The following DACT3 variants were observed in gnomAD, a reference collection of about 807,000 sequenced individuals.
The protein encoded by DACT3 is dapper homolog 3.
In DACT3, 5 loss-of-function variants were observed where a neutral mutation model predicts 19.6. The ratio of observed to expected loss-of-function variants is 0.26; its 90% confidence interval spans 0.13 to 0.54. The LOEUF (loss-of-function observed/expected upper bound fraction) is 0.54. DACT3 is among the 20% of genes least tolerant of loss of function. DACT3 has a pLI of 0.95. For synonymous variants in DACT3, 454 were observed against 428.1 expected (o/e 1.06, Z -0.75); for missense variants, 908 against 927.4 (o/e 0.98, Z 0.27).
rs2053063773 is a variant in DACT3 at position 46,660,093 on chromosome 19, C to T, written c.249+723G>A. On this transcript the variant is annotated intron_variant, in intron 1 of 3. Transcript: ENST00000391916. The surrounding 1 kb of genome is among the most constrained non-coding windows in gnomAD (Gnocchi z 4.9). ...CATTCCGGAGACCTCTGCCCATCTT[C>T]CACCATGAGAACACCCAGAGTCCAG... Among the ~76,000 whole-genome samples, 1 of 152,282 alleles carries T rather than the reference C, an allele frequency of 6.6e-6. No individual in the cohort carries two copies. The highest frequency in any genetic ancestry group is 2.1e-4 in the South Asian group (1 of 4,832).
At position 46,649,417 on chromosome 19, in the gene DACT3, C is replaced by A; in HGVS notation, c.955G>T (p.Ala319Ser). The A allele has an allele frequency of 1.6e-6, 2 of 1,280,176 alleles. No individual in the cohort carries two copies. The highest frequency in any genetic ancestry group is 2.0e-6 in the Non-Finnish European group (2 of 1,003,362). The allele number at this position is 1,280,176 out of a possible 1,614,324, so 79.3% of individuals were successfully genotyped here. A position where few individuals can be genotyped will look rare whatever the true frequency, so the allele number is the denominator to read the frequency against. The change falls in exon 4 of 4, where the codon GCC becomes TCC. Residue 319 changes from alanine to serine, a missense_variant. By Grantham distance (99) the Ala-to-Ser change is moderately conservative. This residue lies in a region of DACT3 where 656 missense variants were observed against 601.8 expected (regional missense o/e 1.09). Coordinates refer to ENST00000391916, the MANE Select transcript of DACT3 (RefSeq NM_145056.3). Reference protein sequence around the residue: ...RVGGHPTSPAALSRAWASSWE... With the variant: ...RVGGHPTSPASLSRAWASSWE... ...GACGACGCCCAGGCGCGGCTCAAGG[C>A]GGCAGGGCTGGTGGGGTGGCCCCCG...
At position 46,649,476 on chromosome 19, in the gene DACT3, G is replaced by T; in HGVS notation, c.896C>A (p.Ala299Glu). ...CAACGAGGGCTCCCGCGCGGGTCGC[G>T]CGCTGCCGGGGGACGGAGACGCGTC... ...PPDASPSPGS[A>E]RPAREPSLER... Residue 299 changes from alanine (A) to glutamate (E), a missense_variant, in exon 4 of 4, where the codon GCG (alanine) becomes GAG (glutamate). Transcript: ENST00000391916. 8.7e-7 allele frequency: 1 copy of T among 1,152,490 alleles called. No individual in the cohort carries two copies. Among genetic ancestry groups the T allele is most frequent in the South Asian group, 3.7e-5 (1 of 27,018 alleles). 71.4% of individuals were successfully genotyped at this position (1,152,490 alleles called of 1,614,324 possible).
At chr19:46,656,637 A>G (rs1238469237) in intron 1 of DACT3, among the ~76,000 whole-genome samples, 1 of 152,222 alleles carries the variant, frequency 6.6e-6, no homozygotes, top group African/African-American at 2.4e-5. Context: ...GGCATGAGCC[A>G]TTGCACCCAG....
rs1377588738 is a variant in DACT3 at position 46,652,817 on chromosome 19, A to C, written c.347-5T>G. 1 of 1,548,058 alleles carries C rather than the reference A, an allele frequency of 6.5e-7. No individual in the cohort carries two copies. Among genetic ancestry groups the C allele is most frequent in the Non-Finnish European group, 8.7e-7 (1 of 1,144,616 alleles). On this transcript the variant is annotated splice_region_variant and splice_polypyrimidine_tract_variant and intron_variant, in intron 2 of 3. Coordinates refer to ENST00000391916, the MANE Select transcript of DACT3 (RefSeq NM_145056.3). ...AGCTGGGATCTTCATAGAAGCCTAAATTTCCAGGAGAAGCAGAGAGACTTC... is the reference window on the plus strand; with the variant it reads ...AGCTGGGATCTTCATAGAAGCCTAACTTTCCAGGAGAAGCAGAGAGACTTC...
rs1156969983 is a variant in DACT3, at chr19:46,649,430, G to A, written c.942C>T (p.Pro314=). 7.9e-7 allele frequency: 1 copy of A among 1,263,290 alleles called. No homozygotes were observed. The highest frequency in any genetic ancestry group is 3.9e-5 in the East Asian group (1 of 25,784). 78.3% of individuals were successfully genotyped at this position (1,263,290 alleles called of 1,614,324 possible). A position where few individuals can be genotyped will look rare whatever the true frequency, so the allele number is the denominator to read the frequency against. Residue 314 remains proline (P), a synonymous_variant, in exon 4 of 4, where the codon CCC becomes CCT. Transcript: ENST00000391916. ...EPSLERVGGH[P]TSPAALSRAW... is the part of the protein sequence containing the mutation. Reference sequence around the variant, plus strand: ...CGCGGCTCAAGGCGGCAGGGCTGGTGGGGTGGCCCCCGACGCGCTCCAACG... The same window carrying A: ...CGCGGCTCAAGGCGGCAGGGCTGGTAGGGTGGCCCCCGACGCGCTCCAACG...
Position 46,648,230 on chromosome 19 carries a change from G to C in DACT3, c.*252C>G. Reference sequence around the variant, plus strand: ...GTACAGATGAGGAAAGTGACGCCCAGAGAAGGGGAACTGTCTTGCCCAAGG... The same window carrying C: ...GTACAGATGAGGAAAGTGACGCCCACAGAAGGGGAACTGTCTTGCCCAAGG... On this transcript the variant is annotated 3_prime_UTR_variant, in exon 4 of 4. Coordinates refer to ENST00000391916, the MANE Select transcript of DACT3 (RefSeq NM_145056.3). The surrounding 1 kb of genome is among the most constrained non-coding windows in gnomAD (Gnocchi z 5.1). 1.7e-6 allele frequency: 1 copy of C among 574,812 alleles called. No homozygotes were observed. The highest frequency in any genetic ancestry group is 2.1e-5 in the South Asian group (1 of 47,968). The allele number at this position is 574,812 out of a possible 1,614,324, so 35.6% of individuals were successfully genotyped here.
At position 46,661,079 on chromosome 19, in the gene DACT3, G is replaced by A. The variant is rs1449373502; in HGVS notation, c.-15C>T. ...GCCCGGATCATGGCTGCGGCCCCCC[G>A]CCCCAGCCCGGCCGGGCCCCGCGGC... On this transcript the variant is annotated 5_prime_UTR_variant, in exon 1 of 4. Coordinates refer to ENST00000391916, the MANE Select transcript of DACT3 (RefSeq NM_145056.3). The A allele has an allele frequency of 2.1e-6, 3 of 1,416,302 alleles. No homozygotes were observed. The highest frequency in any genetic ancestry group is 1.5e-5 in the African/African-American group (1 of 66,082). 87.7% of individuals were successfully genotyped at this position (1,416,302 alleles called of 1,614,324 possible).
chr19:46,649,888 C>CAAA lies in DACT3; in HGVS notation c.500-19_500-17dup, dbSNP rs375074031. 11 of 1,256,710 alleles carry CAAA rather than the reference C, an allele frequency of 8.8e-6. No homozygotes were observed. Among genetic ancestry groups the CAAA allele is most frequent in the South Asian group, 2.0e-5 (1 of 50,198 alleles). The allele number at this position is 1,256,710 out of a possible 1,614,324, so 77.8% of individuals were successfully genotyped here. A position where few individuals can be genotyped will look rare whatever the true frequency, so the allele number is the denominator to read the frequency against. ...CTGGCGTCTCCTAGGGAAGGAAGGC[C>CAAA]AAAAAAAAAAAAAAAAGAGAGAGTG... On this transcript the variant is annotated splice_polypyrimidine_tract_variant and intron_variant, in intron 3 of 3. Transcript: ENST00000391916.
chr19:46,655,514 G>A (rs1205011345), intron 1 of DACT3, among the ~76,000 whole-genome samples: 1 of 152,178 alleles, frequency 6.6e-6, no homozygotes, highest in Non-Finnish European at 1.5e-5. Context: ...CCAAGAGGCT[G>A]AAGCAGGAGA....
chr19:46,649,509 C>A lies in DACT3; in HGVS notation c.863G>T (p.Arg288Leu). 2 of 1,087,880 alleles carry A rather than the reference C, an allele frequency of 1.8e-6. No individual in the cohort carries two copies. Among genetic ancestry groups the A allele is most frequent in the Non-Finnish European group, 2.2e-6 (2 of 898,150 alleles). The allele number at this position is 1,087,880 out of a possible 1,614,324, so 67.4% of individuals were successfully genotyped here. Residue 288 changes from arginine to leucine, a missense_variant, in exon 4 of 4, where the codon CGG becomes CTG. Physicochemically the swap from Arg to Leu is moderately radical, Grantham distance 102 (BLOSUM62 -2). Around this residue, in one of 2 missense-constraint regions of DACT3, gnomAD observed 656 missense variants for 601.8 expected, o/e 1.09. Coordinates refer to ENST00000391916, the MANE Select transcript of DACT3 (RefSeq NM_145056.3). ...GGGGGACGGAGACGCGTCGGGCGGC[C>A]GCTGGCGCACGCTGTTCTGGCGCCG... ...GPRRQNSVRQ[R>L]PPDASPSPGS...
intron 3 of DACT3, chr19:46,651,857 C>G (rs1051739890): frequency 6.6e-6 from 1 of 151,890 alleles, no homozygotes. Context: ...CACCACAATG[C>G]CTGGCTATTG....
Position 46,653,054 on chromosome 19 carries a change from A to G in DACT3, c.271T>C (p.Trp91Arg). The part of the protein sequence containing the change: ...EQLEALPGLV[W>R]DLGQQLGDLS... ...TCTCCCAGCTGCTGTCCCAGGTCCCAGACGAGACCAGGCAGGGCCTCCTGA... is the reference window on the plus strand; with the variant it reads ...TCTCCCAGCTGCTGTCCCAGGTCCCGGACGAGACCAGGCAGGGCCTCCTGA... Residue 91 changes from tryptophan (W) to arginine (R), a missense_variant, in exon 2 of 4, where the codon TGG (tryptophan) becomes CGG (arginine). By Grantham distance (101) the Trp-to-Arg change is moderately radical. Around this residue, in one of 2 missense-constraint regions of DACT3, gnomAD observed 252 missense variants for 325.6 expected, o/e 0.77. Coordinates refer to ENST00000391916, the MANE Select transcript of DACT3 (RefSeq NM_145056.3). 6.4e-7 allele frequency: 1 copy of G among 1,551,476 alleles called. No individual in the cohort carries two copies.
At chr19:46,659,144 A>G in intron 1 of DACT3, 2 of 984,978 alleles carry the variant, frequency 2.0e-6, no homozygotes, top group Non-Finnish European at 2.4e-6. Flanking sequence ...CCAGCACTAG[A>G]GAAGTTTATA....
In DACT3 at chr19:46,649,574, G is replaced by C. The variant is rs1488803510; in HGVS notation, c.798C>G (p.Gly266=). ...CGCCCCCGGGACTGGTCCGGGGCTGGCCCGCCCCCCGGCGGCGGCGCCTGC... is the reference window on the plus strand; with the variant it reads ...CGCCCCCGGGACTGGTCCGGGGCTGCCCCGCCCCCCGGCGGCGGCGCCTGC... ...LLRRRRRRGA[G]QPRTSPGGAD... is the part of the protein sequence containing the mutation. Residue 266 remains glycine (G), a synonymous_variant, in exon 4 of 4, where the codon GGC becomes GGG. Transcript: ENST00000391916. 2.2e-5 allele frequency: 24 copies of C among 1,083,312 alleles called. No individual in the cohort carries two copies. The highest frequency in any genetic ancestry group is 2.7e-5 in the Non-Finnish European group (24 of 890,572). 67.1% of individuals were successfully genotyped at this position (1,083,312 alleles called of 1,614,324 possible).
intron 3 of DACT3, 60 bp from the exon 4 acceptor site, chr19:46,649,932 T>C: frequency 7.7e-7 from 1 of 1,303,310 alleles, no homozygotes; most frequent in Non-Finnish European, 9.8e-7. Context: ...CTCAAAGTCC[T>C]TTCCCATTTC....
In DACT3 at chr19:46,660,990, G is replaced by A; in HGVS notation, c.75C>T (p.Ala25=). 1.9e-6 allele frequency: 3 copies of A among 1,538,580 alleles called. No homozygotes were observed. Among genetic ancestry groups the A allele is most frequent in the South Asian group, 2.4e-5 (2 of 83,382 alleles). Residue 25 remains alanine, a synonymous_variant, in exon 1 of 4, where the codon GCC becomes GCT. Coordinates refer to ENST00000391916, the MANE Select transcript of DACT3 (RefSeq NM_145056.3). The surrounding 1 kb of genome is among the most constrained non-coding windows in gnomAD (Gnocchi z 4.9). The part of the protein sequence containing the change: ...RLRGWLEGSL[A]GLCELHWLRE... ...GGAGCCAATGTAACTCGCAGAGCCC[G>A]GCCAGGCTACCCTCCAGCCAGCCCC...
At position 46,648,915 on chromosome 19, in the gene DACT3, T is replaced by G; in HGVS notation, c.1457A>C (p.Asp486Ala). ...GGCTCGGGGCCGCACGCGGCGCCCA[T>G]CGGCAGCGTCGATCTCCGCAGTGGA... ...WRSTAEIDAA[D>A]GRRVRPRAPA... is the part of the protein sequence containing the mutation. The change falls in exon 4 of 4, where the codon GAT becomes GCT. Residue 486 changes from aspartate (D) to alanine (A), a missense_variant. Asp to Ala is a moderately radical substitution (Grantham distance 126, BLOSUM62 -2). Around this residue, in one of 2 missense-constraint regions of DACT3, gnomAD observed 656 missense variants for 601.8 expected, o/e 1.09. Coordinates refer to ENST00000391916, the MANE Select transcript of DACT3 (RefSeq NM_145056.3). The surrounding 1 kb of genome is among the most constrained non-coding windows in gnomAD (Gnocchi z 5.1). 1.5e-6 allele frequency: 2 copies of G among 1,357,022 alleles called. No homozygotes were observed. The highest frequency in any genetic ancestry group is 1.9e-6 in the Non-Finnish European group (2 of 1,061,990). 84.1% of individuals were successfully genotyped at this position (1,357,022 alleles called of 1,614,324 possible). A position where few individuals can be genotyped will look rare whatever the true frequency, so the allele number is the denominator to read the frequency against.
Position 46,661,151 on chromosome 19 carries a change from C to CCAGCAGCCT in DACT3, c.-88_-87insAGGCTGCTG. The CCAGCAGCCT allele has an allele frequency of 7.8e-7, 1 of 1,284,912 alleles. No individual in the cohort carries two copies. Among genetic ancestry groups the CCAGCAGCCT allele is most frequent in the African/African-American group, 1.6e-5 (1 of 63,822 alleles). 79.6% of individuals were successfully genotyped at this position (1,284,912 alleles called of 1,614,324 possible). A position where few individuals can be genotyped will look rare whatever the true frequency, so the allele number is the denominator to read the frequency against. On this transcript the variant is annotated 5_prime_UTR_variant, in exon 1 of 4. Coordinates refer to ENST00000391916, the MANE Select transcript of DACT3 (RefSeq NM_145056.3). ...TCCCCGCCCCAGCAGCCTGCCCGCC[C>CCAGCAGCCT]GCCCGCTGGCCGGGCTGTCACCGTC...
At chr19:46,654,937 C>T (rs1296621811) in intron 1 of DACT3, 1 of 985,180 alleles carries the variant, frequency 1.0e-6, no homozygotes, top group East Asian at 1.1e-4. Context: ...CCACTCTGGG[C>T]TCCTGCCCTG....
Sources: allele counts gnomAD v4.1 joint callset (sites outside exome capture counted in the v4.1 genomes callset), GRCh38; gene constraint gnomAD v4.1.1; regional missense constraint gnomAD v4.1.1; non-coding constraint Gnocchi (gnomAD v3.1); transcripts MANE v1.5; gene names NCBI Gene and HGNC (gene_info 2026-07-23, HGNC 2026-07-21).